Variants in TMTC3 observed in about 807,000 individuals in gnomAD.
TMTC3 encodes protein O-mannosyl-transferase TMTC3.
In TMTC3, 52 loss-of-function variants were observed where a neutral mutation model predicts 92.2. The ratio of observed to expected loss-of-function variants is 0.56; its 90% CI spans 0.45 to 0.71. TMTC3 has a LOEUF of 0.71. TMTC3 is among the 30% of genes least tolerant of loss of function. The pLI, the probability that TMTC3 is intolerant of heterozygous loss-of-function variation, is 0.00. For missense variants in TMTC3, 896 were observed against 1,057.1 expected (o/e 0.85, Z 2.11); for synonymous variants, 339 against 363.3 (o/e 0.93, Z 0.76).
Position 88,196,200 on chromosome 12 carries a change from T to TAAG in TMTC3, c.*552_*554dup, listed in dbSNP as rs2041510202. 1 of 152,488 alleles carries TAAG rather than the reference T, an allele frequency of 6.6e-6. No individual in the cohort carries two copies. Among genetic ancestry groups the TAAG allele is most frequent in the African/African-American group, 2.4e-5 (1 of 41,442 alleles). 9.4% of individuals were successfully genotyped at this position (152,488 alleles called of 1,614,324 possible). On this transcript the variant is annotated 3_prime_UTR_variant, in exon 14 of 14. Coordinates refer to ENST00000266712, the MANE Select transcript of TMTC3 (RefSeq NM_181783.4). ...GAATGCTTGATGAAACATTTTAAAATAAGTCATGACATGTTAGCTTGAGAA... is the reference window on the plus strand; with the variant it reads ...GAATGCTTGATGAAACATTTTAAAATAAGAAGTCATGACATGTTAGCTTGAGAA...
intron 1 of TMTC3, among the ~76,000 whole-genome samples, chr12:88,143,158 C>CTT (rs552936811): frequency 1.4e-5 from 2 of 140,614 alleles, no homozygotes; most frequent in African/African-American, 5.2e-5. Context: ...AGTGCTTTGT[C>CTT]TTTTTTTTTT....
chr12:88,147,851 A>G (rs546307671), intron 1 of TMTC3, among the ~76,000 whole-genome samples: 66 of 152,090 alleles, frequency 4.3e-4, no homozygotes, highest in Non-Finnish European at 7.8e-4. Flanking sequence ...ATTTGTTTTC[A>G]GTGTTGTAAA....
intron 6 of TMTC3, among the ~76,000 whole-genome samples, chr12:88,163,331 C>T (rs1028380176): frequency 6.6e-6 from 1 of 152,162 alleles, no homozygotes; most frequent in African/African-American, 2.4e-5. Flanking sequence ...CTGTAAATTA[C>T]GAAGATTTCC....
chr12:88,192,146 T>C (rs1226162849), intron 12 of TMTC3, among the ~76,000 whole-genome samples: 4 of 151,868 alleles, frequency 2.6e-5, no homozygotes, highest in South Asian at 4.2e-4. Flanking sequence ...CCTTCTATTA[T>C]ACATTCAAAT....
intron 2 of TMTC3, among the ~76,000 whole-genome samples, chr12:88,151,414 T>C (rs1455834602): frequency 6.6e-6 from 1 of 152,172 alleles, no homozygotes; most frequent in African/African-American, 2.4e-5. Context: ...CCAACTAATA[T>C]CATGAGTAAT....
intron 8 of TMTC3, 47 bp from the exon 9 acceptor site, chr12:88,174,560 G>A (rs778542539): frequency 4.4e-6 from 7 of 1,578,976 alleles, no homozygotes; most frequent in South Asian, 1.2e-5. Flanking sequence ...AAATGCTTTT[G>A]GTGATGAAGA....
At position 88,192,745 on chromosome 12, in the gene TMTC3, C is replaced by A; in HGVS notation, c.1848C>A (p.Ala616=). 6.2e-7 allele frequency: 1 copy of A among 1,613,334 alleles called. No individual in the cohort carries two copies. The highest frequency in any genetic ancestry group is 8.5e-7 in the Non-Finnish European group (1 of 1,179,638). The part of the protein sequence containing the change: ...VHIELKEPNE[A]LKNFNRALEL... The stretch of plus-strand genomic sequence containing the variant: ...TTGAACTTAAAGAACCAAATGAAGC[C>A]CTAAAAAACTTTAATCGTGCTCTGG... The change falls in exon 13 of 14, where the codon GCC becomes GCA. Residue 616 remains alanine, a synonymous_variant. Coordinates refer to ENST00000266712, the MANE Select transcript of TMTC3 (RefSeq NM_181783.4).
intron 2 of TMTC3, among the ~76,000 whole-genome samples, chr12:88,152,552 C>T (rs1049360699): frequency 2.6e-5 from 4 of 152,012 alleles, no homozygotes; most frequent in Admixed American, 2.0e-4. Context: ...TATATATATT[C>T]GAACTGTGTG....
intron 4 of TMTC3, among the ~76,000 whole-genome samples, chr12:88,157,663 A>G (rs934396010): frequency 1.3e-5 from 2 of 152,078 alleles, no homozygotes; most frequent in African/African-American, 2.4e-5. Flanking sequence ...AACTGTTTGA[A>G]TAAGTGATTG....
intron 9 of TMTC3, among the ~76,000 whole-genome samples, chr12:88,175,230 C>T (rs2041246780): frequency 6.6e-6 from 1 of 150,948 alleles, no homozygotes; most frequent in Non-Finnish European, 1.5e-5. Context: ...ACAATACTAT[C>T]AGAAAGATAA....
intron 8 of TMTC3, 112 bp from the exon 9 acceptor site, chr12:88,174,495 A>C: frequency 1.6e-6 from 2 of 1,223,508 alleles, no homozygotes; most frequent in East Asian, 5.0e-5. Context: ...GAATAAATTA[A>C]CATATGATAT....
At position 88,198,169 on chromosome 12, in the gene TMTC3, CA is replaced by C. The variant is rs2041537386; in HGVS notation, c.*2521del. The C allele has an allele frequency of 5.1e-6, 2 of 394,434 alleles. No individual in the cohort carries two copies. The highest frequency in any genetic ancestry group is 8.8e-5 in the Admixed American group (2 of 22,630). 24.4% of individuals were successfully genotyped at this position (394,434 alleles called of 1,614,324 possible). On this transcript the variant is annotated 3_prime_UTR_variant, in exon 14 of 14. Coordinates refer to ENST00000266712, the MANE Select transcript of TMTC3 (RefSeq NM_181783.4). Reference sequence around the variant, plus strand: ...CTCTATAACTTCAAAATAGATATTTCATTCAAACTGTTCAGGTGAGAAAACA... The same window carrying C: ...CTCTATAACTTCAAAATAGATATTTCTTCAAACTGTTCAGGTGAGAAAACA...
chr12:88,182,687 TATC>T (rs1216996148), intron 10 of TMTC3, among the ~76,000 whole-genome samples: 8 of 152,166 alleles, frequency 5.3e-5, no homozygotes, highest in African/African-American at 1.9e-4. Context: ...GCTAGTAAAA[TATC>T]ATCTATAAAA....
At position 88,142,811 on chromosome 12, in the gene TMTC3, G is replaced by A. The variant is rs10431402; in HGVS notation, c.-29+324G>A. ...CCCGACCCCGCCCGCCTTACCTGTA[G>A]CACCATTCCTTTCGCGGATCGTGGG... On this transcript the variant is annotated intron_variant, in intron 1 of 13. Coordinates refer to ENST00000266712, the MANE Select transcript of TMTC3 (RefSeq NM_181783.4). Among the ~76,000 whole-genome samples the A allele has an allele frequency of 3.4e-4, 52 of 152,312 alleles. No individual in the cohort carries two copies. The East Asian group carries it at 9.3e-3, about 27-fold the overall frequency.
chr12:88,164,591 T>C (rs1362903003), intron 6 of TMTC3, among the ~76,000 whole-genome samples: 1 of 152,212 alleles, frequency 6.6e-6, no homozygotes, highest in Non-Finnish European at 1.5e-5. Flanking sequence ...TAAGTCTGCA[T>C]ATCATATTTA....
intron 10 of TMTC3, among the ~76,000 whole-genome samples, chr12:88,184,091 C>T (rs983201484): frequency 6.6e-6 from 1 of 152,126 alleles, no homozygotes; most frequent in Non-Finnish European, 1.5e-5. Flanking sequence ...AGTACACTGA[C>T]ACAGGAATTT....
chr12:88,172,222 T>C (rs1246806098), intron 7 of TMTC3, among the ~76,000 whole-genome samples: 2 of 152,108 alleles, frequency 1.3e-5, no homozygotes, highest in African/African-American at 2.4e-5. Context: ...CAGTGAGATA[T>C]AGCTAATTAT....
chr12:88,187,925 A>G (rs1215440641), intron 10 of TMTC3, among the ~76,000 whole-genome samples: 2 of 152,184 alleles, frequency 1.3e-5, no homozygotes, highest in African/African-American at 4.8e-5. Flanking sequence ...TGGCAAGTAT[A>G]TCTTTTTAAA....
At chr12:88,190,221 G>A (rs1176903169) in intron 11 of TMTC3, among the ~76,000 whole-genome samples, 1 of 152,078 alleles carries the variant, frequency 6.6e-6, no homozygotes, top group East Asian at 1.9e-4. Flanking sequence ...CACCTCAGTG[G>A]ATTATTAGCT....
Sources: allele counts gnomAD v4.1 joint callset (sites outside exome capture counted in the v4.1 genomes callset), GRCh38; gene constraint gnomAD v4.1.1; transcripts MANE v1.5; gene names NCBI Gene and HGNC (gene_info 2026-07-23, HGNC 2026-07-21).